PLB1: variants seen among roughly 807,000 people sequenced by gnomAD.
PLB1 encodes phospholipase B1, membrane-associated.
A neutral mutation model predicts 227.4 loss-of-function variants in PLB1; 242 were observed. The observed-to-expected ratio is 1.06, with a 90% CI of 0.96 to 1.18. The LOEUF is 1.18. Among genes scored for constraint, PLB1 ranks in the 50% most tolerant of loss-of-function variants. PLB1 has a pLI of 0.00. For synonymous variants in PLB1, 757 were observed against 682.2 expected, an observed-to-expected ratio of 1.11 and a Z score of -1.71; for missense variants, 1,858 against 1,816.3, an observed-to-expected ratio of 1.02 and a Z score of -0.42.
chr2:28,496,350 C>T (rs891887467), intron 1 of PLB1, among the ~76,000 whole-genome samples, 181 bp downstream of exon 1: 3 of 152,158 alleles, frequency 2.0e-5, no homozygotes, highest in Non-Finnish European at 4.4e-5. Context: ...AGGCTGCCTA[C>T]ACAGGGTTAC....
chr2:28,519,139 A>G (rs780465771), intron 3 of PLB1, among the ~76,000 whole-genome samples: 1 of 152,238 alleles, frequency 6.6e-6, no homozygotes, highest in Non-Finnish European at 1.5e-5. Flanking sequence ...GAGTATGATC[A>G]GTGATTTCTA....
chr2:28,496,658 G>A (rs1002521540), intron 1 of PLB1, among the ~76,000 whole-genome samples: 7 of 152,180 alleles, frequency 4.6e-5, no homozygotes, highest in South Asian at 2.1e-4. Context: ...ACATTCTTTA[G>A]TGCTGCTAAA....
At chr2:28,573,826 C>A (rs1360998643) in intron 21 of PLB1, among the ~76,000 whole-genome samples, 1 of 152,206 alleles carries the variant, frequency 6.6e-6, no homozygotes, top group Non-Finnish European at 1.5e-5. Flanking sequence ...TCCCACAGGG[C>A]AGTCATGAAG....
intron 33 of PLB1, 38 bp from the exon 34 acceptor site, chr2:28,597,967 C>A: frequency 1.3e-6 from 2 of 1,588,238 alleles, no homozygotes; most frequent in Non-Finnish European, 1.7e-6. Context: ...ACCAATATGT[C>A]TCTCCCTCTC....
intron 1 of PLB1, among the ~76,000 whole-genome samples, chr2:28,508,329 C>T (rs1235453420): frequency 6.6e-6 from 1 of 152,182 alleles, no homozygotes; most frequent in Non-Finnish European, 1.5e-5. Context: ...GAGGTCAACC[C>T]AGCTACCTCA....
chr2:28,633,020 T>A lies in PLB1; in HGVS notation c.4079T>A (p.Ile1360Asn). 6.2e-7 allele frequency: 1 copy of A among 1,611,772 alleles called. No homozygotes were observed. The highest frequency in any genetic ancestry group is 8.5e-7 in the Non-Finnish European group (1 of 1,179,964). The change falls in exon 56 of 58, where the codon ATC becomes AAC. Residue 1360 changes from isoleucine to asparagine, a missense_variant. Physicochemically the swap from Ile to Asn is moderately radical, Grantham distance 149. Transcript: ENST00000327757. ...GACCGCGGGCATGCCGAGATGGCCA[T>A]CGCACTCTGGAACAACATGGTGAGC... ...FSDRGHAEMA[I>N]ALWNNMLEPV...
chr2:28,536,084 C>T (rs918623563), intron 9 of PLB1, among the ~76,000 whole-genome samples: 2 of 152,180 alleles, frequency 1.3e-5, no homozygotes, highest in Non-Finnish European at 2.9e-5. Flanking sequence ...ATGTTTTACC[C>T]TTAAGAGGAA....
At chr2:28,510,659 T>A (rs1160454705) in intron 1 of PLB1, among the ~76,000 whole-genome samples, 1 of 148,530 alleles carries the variant, frequency 6.7e-6, no homozygotes, top group Non-Finnish European at 1.5e-5. Context: ...AGTCTCACTT[T>A]ACCACCCAGG....
intron 55 of PLB1, 81 bp downstream of exon 55, chr2:28,632,221 CTT>C (rs3071742): frequency 3.8e-3 from 3,386 of 887,426 alleles, no homozygotes; most frequent in African/African-American, 8.5e-3. Context: ...TCTAAGTGGG[CTT>C]TTTTTTTTTT....
chr2:28,588,253 T>C (rs1681257139), intron 26 of PLB1, among the ~76,000 whole-genome samples: 1 of 152,124 alleles, frequency 6.6e-6, no homozygotes, highest in African/African-American at 2.4e-5. Context: ...ATCCCCCGAG[T>C]AACCAGTAGC....
At chr2:28,527,029 G>A (rs1012325126) in intron 6 of PLB1, among the ~76,000 whole-genome samples, 4 of 152,202 alleles carry the variant, frequency 2.6e-5, no homozygotes, top group South Asian at 2.1e-4. Context: ...TACCAACTCC[G>A]TGGCTATCAC....
intron 54 of PLB1, 55 bp from the exon 55 acceptor site, chr2:28,631,981 C>T (rs1381430058): frequency 4.6e-5 from 67 of 1,460,432 alleles, no homozygotes; most frequent in Non-Finnish European, 6.3e-5. Context: ...CAGGACTGGA[C>T]CCTGTCTGTG....
chr2:28,543,310 C>G lies in PLB1; in HGVS notation c.936+42C>G. The G allele has an allele frequency of 1.9e-6, 3 of 1,587,826 alleles. No homozygotes were observed. In the African/African-American group the frequency reaches 4.0e-5, roughly 21 times the overall value. On this transcript the variant is annotated intron_variant, in intron 14 of 57. Coordinates refer to ENST00000327757, the MANE Select transcript of PLB1 (RefSeq NM_153021.5). ...TGGGGTGGGGCCCACAGAGGAGGGG[C>G]AAGGTCTCCACCACCACTGAGCCCA... is the stretch of plus-strand genomic sequence containing the variant.
intron 57 of PLB1, among the ~76,000 whole-genome samples, chr2:28,642,170 A>G (rs1690048896): frequency 6.6e-6 from 1 of 151,804 alleles, no homozygotes; most frequent in African/African-American, 2.4e-5. Context: ...CTCCTTTTCT[A>G]TTTGTACCTC....
At chr2:28,537,372 G>A (rs1671830965) in intron 9 of PLB1, among the ~76,000 whole-genome samples, 1 of 152,102 alleles carries the variant, frequency 6.6e-6, no homozygotes, top group South Asian at 2.1e-4. Flanking sequence ...AGTTTGTCTT[G>A]TAATTTTTAT....
chr2:28,539,282 A>T, intron 11 of PLB1, 104 bp downstream of exon 11: 1 of 1,067,416 alleles, frequency 9.4e-7, no homozygotes. Flanking sequence ...AGCCCTAAAG[A>T]ACAGAGGCCA....
intron 14 of PLB1, among the ~76,000 whole-genome samples, chr2:28,545,298 A>G (rs1279626194): frequency 1.3e-5 from 2 of 152,146 alleles, no homozygotes; most frequent in African/African-American, 4.8e-5. Context: ...CAGCAGGGAC[A>G]TGGGGGGCAG....
chr2:28,632,953 A>T lies in PLB1; in HGVS notation c.4012A>T (p.Thr1338Ser). The T allele has an allele frequency of 6.2e-7, 1 of 1,605,686 alleles. No homozygotes were observed. The highest frequency in any genetic ancestry group is 8.5e-7 in the Non-Finnish European group (1 of 1,179,760). ...TLTPLNERGDTDLTFFSEDCF... is the reference protein window; with the variant it reads ...TLTPLNERGDSDLTFFSEDCF... ...TTGCCGTTGGTTGCAGAGAGGGGAC[A>T]CTGACCTCACCTTCTTCTCCGAGGA... The change falls in exon 56 of 58, where the codon ACT becomes TCT. Residue 1338 changes from threonine to serine, a missense_variant. Transcript: ENST00000327757.
intron 26 of PLB1, 95 bp from the exon 27 acceptor site, chr2:28,589,355 A>T: frequency 1.1e-6 from 1 of 917,098 alleles, no homozygotes; most frequent in African/African-American, 1.7e-5. Flanking sequence ...CAACAGTCAG[A>T]TTCTGTTTAA....
Sources: allele counts gnomAD v4.1 joint callset (sites outside exome capture counted in the v4.1 genomes callset), GRCh38; gene constraint gnomAD v4.1.1; transcripts MANE v1.5; gene names NCBI Gene and HGNC (gene_info 2026-07-23, HGNC 2026-07-21).